The following RFX3 variants were observed in gnomAD, a reference collection of about 807,000 sequenced individuals.
The protein encoded by RFX3 is transcription factor RFX3.
Under a neutral mutation model 98.6 loss-of-function variants are expected in RFX3, and 14 were observed. The observed-to-expected ratio is 0.14, with a 90% CI of 0.09 to 0.22. The LOEUF is 0.22. Among genes scored for constraint, RFX3 ranks in the 10% least tolerant of loss-of-function variants. The probability of loss-of-function intolerance (pLI) is 1.00; values close to 1 mark genes in which losing one functional copy is unlikely to be tolerated. For missense variants in RFX3, 639 were observed against 926.9 expected (o/e 0.69, Z 4.03); for synonymous variants, 383 against 328.4 (o/e 1.17, Z -1.80).
intron 3 of RFX3, among the ~76,000 whole-genome samples, chr9:3,334,394 C>T (rs1237884657): frequency 2.6e-5 from 4 of 152,166 alleles, no homozygotes; most frequent in Non-Finnish European, 4.4e-5. Context: ...GTTGCTACCT[C>T]ATCATAAGAA....
At chr9:3,424,436 A>G (rs544034824) in intron 1 of RFX3, among the ~76,000 whole-genome samples, 3 of 119,064 alleles carry the variant, frequency 2.5e-5, no homozygotes, top group African/African-American at 3.3e-5. Context: ...ATCTCGACTC[A>G]CTGCAAGCTC....
At chr9:3,470,245 A>G (rs1848656633) in intron 1 of RFX3, among the ~76,000 whole-genome samples, 2 of 152,184 alleles carry the variant, frequency 1.3e-5, no homozygotes, top group East Asian at 3.8e-4. Context: ...GTCACAAACT[A>G]GTAACTGACA....
At chr9:3,279,638 C>G (rs1035077677) in intron 7 of RFX3, among the ~76,000 whole-genome samples, 1 of 151,788 alleles carries the variant, frequency 6.6e-6, no homozygotes, top group African/African-American at 2.4e-5. Context: ...TCCACTTAGA[C>G]TGTAAGTTTT....
chr9:3,394,245 C>T (rs1045799845), intron 2 of RFX3, among the ~76,000 whole-genome samples: 1 of 151,964 alleles, frequency 6.6e-6, no homozygotes, highest in African/African-American at 2.4e-5. Context: ...GGGCGGATCA[C>T]GAGGTCAGGA....
At position 3,270,450 on chromosome 9, in the gene RFX3, T is replaced by C; in HGVS notation, c.1278A>G (p.Lys426=). Reference sequence around the variant, plus strand: ...TCCCATGGTCACAGTTACACATCCATTTCAGGATAGACTCATGTTTGCACA... The same window carrying C: ...TCCCATGGTCACAGTTACACATCCACTTCAGGATAGACTCATGTTTGCACA... ...ITLCKHESIL[K]WMCNCDHGMY... The change falls in exon 11 of 17, where the codon AAA becomes AAG. Residue 426 remains lysine (K), a synonymous_variant. Coordinates refer to ENST00000617270, the MANE Select transcript of RFX3 (RefSeq NM_001282116.2). The C allele has an allele frequency of 1.2e-6, 2 of 1,613,840 alleles. No individual in the cohort carries two copies. Among genetic ancestry groups the C allele is most frequent in the Non-Finnish European group, 1.7e-6 (2 of 1,179,816 alleles).
intron 15 of RFX3, chr9:3,246,969 C>A (rs1044078291): frequency 2.8e-6 from 2 of 715,420 alleles, no homozygotes; most frequent in Non-Finnish European, 3.4e-6. Context: ...TAGGGAGGTC[C>A]TTGAAGTATT....
chr9:3,511,339 T>C (rs1471016115), intron 1 of RFX3, among the ~76,000 whole-genome samples: 1 of 152,016 alleles, frequency 6.6e-6, no homozygotes, highest in African/African-American at 2.4e-5. Flanking sequence ...AAGACCATTA[T>C]TACATGAATA....
At chr9:3,353,363 T>C (rs1392743084) in intron 2 of RFX3, among the ~76,000 whole-genome samples, 1 of 151,710 alleles carries the variant, frequency 6.6e-6, no homozygotes, top group African/African-American at 2.4e-5. Context: ...TAAAATAAAA[T>C]AAAATAAAGA....
chr9:3,420,953 A>G (rs1843388374), intron 1 of RFX3: 1 of 983,064 alleles, frequency 1.0e-6, no homozygotes, highest in Non-Finnish European at 1.2e-6. Context: ...TGTGGCTACA[A>G]CAGAAACTAG....
intron 3 of RFX3, among the ~76,000 whole-genome samples, chr9:3,339,273 G>C (rs1186847958): frequency 1.3e-5 from 2 of 152,086 alleles, no homozygotes; most frequent in Non-Finnish European, 2.9e-5. Flanking sequence ...ACATATATGA[G>C]TCACTTGCCC....
rs890993204 is a variant in RFX3 at position 3,426,541 on chromosome 9, C to T, written c.-8-30945G>A. Among the ~76,000 whole-genome samples the T allele has an allele frequency of 2.6e-5, 4 of 152,066 alleles. 1 individual carries two copies. In the South Asian group the frequency reaches 8.3e-4, roughly 31 times the overall value. ...CAAGAGGTGAGCAGGAGGTGAGCAG[C>T]AGGTGAGCCAGTGAAGCTTCATCTC... is the stretch of plus-strand genomic sequence containing the variant. On this transcript the variant is annotated intron_variant, in intron 1 of 16. Transcript: ENST00000617270.
chr9:3,479,680 G>A (rs1048935489), intron 1 of RFX3, among the ~76,000 whole-genome samples: 1 of 152,184 alleles, frequency 6.6e-6, no homozygotes, highest in Non-Finnish European at 1.5e-5. Context: ...TAAAAGTGAG[G>A]AGGAAAGCCT....
chr9:3,514,957 C>T (rs988584669), intron 1 of RFX3, among the ~76,000 whole-genome samples: 1 of 152,134 alleles, frequency 6.6e-6, no homozygotes, highest in Non-Finnish European at 1.5e-5. Context: ...CTTAAACTGA[C>T]ACGTCATCAA....
chr9:3,452,794 A>T (rs114667742), intron 1 of RFX3, among the ~76,000 whole-genome samples: 1,630 of 152,334 alleles, frequency 0.011, 28 homozygotes, highest in African/African-American at 0.037. Context: ...CCATTATTAC[A>T]CAGGGAATAC....
chr9:3,240,053 T>C (rs1019820781), intron 15 of RFX3, among the ~76,000 whole-genome samples: 1 of 152,176 alleles, frequency 6.6e-6, no homozygotes, highest in Non-Finnish European at 1.5e-5. Context: ...CTGTTCATAA[T>C]ATAAGATGGG....
chr9:3,493,192 TAA>T (rs1850847029), intron 1 of RFX3, among the ~76,000 whole-genome samples: 1 of 152,120 alleles, frequency 6.6e-6, no homozygotes, highest in South Asian at 2.1e-4. Context: ...GAACTGAAAG[TAA>T]AAGACTAGCA....
In RFX3 at chr9:3,491,050, G is replaced by A. The variant is rs146518081; in HGVS notation, c.-9+34697C>T. 4.8e-3 allele frequency among the ~76,000 whole-genome samples: 735 copies of A among 152,130 alleles called. 1 individual carries two copies. The highest frequency in any genetic ancestry group is 8.6e-3 in the Non-Finnish European group (586 of 67,936). ...CTATAAAGAGCATCGTAGTTACCCG[G>A]CATGATTTGGCTTTACCTTTTTTCT... is the stretch of plus-strand genomic sequence containing the variant. On this transcript the variant is annotated intron_variant, in intron 1 of 16. Coordinates refer to ENST00000617270, the MANE Select transcript of RFX3 (RefSeq NM_001282116.2).
intron 1 of RFX3, among the ~76,000 whole-genome samples, chr9:3,479,729 C>A (rs994673826): frequency 2.6e-5 from 4 of 152,124 alleles, no homozygotes; most frequent in Non-Finnish European, 5.9e-5. Context: ...AGGCCAAAAC[C>A]AACTATACTC....
At chr9:3,493,128 C>T (rs1850843279) in intron 1 of RFX3, among the ~76,000 whole-genome samples, 1 of 152,060 alleles carries the variant, frequency 6.6e-6, no homozygotes, top group Admixed American at 6.5e-5. Flanking sequence ...CTCTTTCACA[C>T]CCTCAGTAAT....
Sources: allele counts gnomAD v4.1 joint callset (sites outside exome capture counted in the v4.1 genomes callset), GRCh38; gene constraint gnomAD v4.1.1; transcripts MANE v1.5; gene names NCBI Gene and HGNC (gene_info 2026-07-23, HGNC 2026-07-21).